PSMB7: variants seen among roughly 807,000 people sequenced by gnomAD.
The protein encoded by PSMB7 is proteasome 20S subunit beta 7, also known as proteasome subunit beta type-7.
In PSMB7, 5 loss-of-function variants were observed where a neutral mutation model predicts 28.1. That is an observed-to-expected ratio of 0.18 (90% CI 0.09 to 0.37). PSMB7 has a LOEUF of 0.37. Ranked by LOEUF, PSMB7 falls within the 10% of genes least tolerant of loss-of-function variation. PSMB7 has a pLI of 1.00. For missense variants in PSMB7, 275 were observed against 346.2 expected, an observed-to-expected ratio of 0.79 and a Z score of 1.63; for synonymous variants, 122 against 123.7, an observed-to-expected ratio of 0.99 and a Z score of 0.09.
At chr9:124,365,511 G>A (rs1345871704) in intron 6 of PSMB7, among the ~76,000 whole-genome samples, 4 of 152,204 alleles carry the variant, frequency 2.6e-5, no homozygotes, top group Non-Finnish European at 5.9e-5. Flanking sequence ...CACCCTTTAT[G>A]CTAAGCAGCA....
intron 4 of PSMB7, among the ~76,000 whole-genome samples, chr9:124,411,136 C>T (rs1487324704): frequency 6.6e-6 from 1 of 151,992 alleles, no homozygotes; most frequent in East Asian, 1.9e-4. Context: ...CCACCATGCC[C>T]GGCTATTTTT....
chr9:124,407,456 G>T (rs1268595349), intron 4 of PSMB7, among the ~76,000 whole-genome samples: 1 of 152,134 alleles, frequency 6.6e-6, no homozygotes, highest in African/African-American at 2.4e-5. Context: ...TAGGGCCAAG[G>T]GCTCCAGGAA....
intron 6 of PSMB7, among the ~76,000 whole-genome samples, chr9:124,378,718 A>C (rs1830636963): frequency 6.6e-6 from 1 of 152,268 alleles, no homozygotes; most frequent in East Asian, 1.9e-4. Flanking sequence ...ATAGAATAGA[A>C]GGAAAACTAA....
intron 5 of PSMB7, among the ~76,000 whole-genome samples, chr9:124,392,811 G>T (rs1011662329): frequency 6.6e-6 from 1 of 152,144 alleles, no homozygotes; most frequent in African/African-American, 2.4e-5. Context: ...GATCGTCTCA[G>T]GAAAAAAAGC....
intron 4 of PSMB7, 150 bp from the exon 5 acceptor site, chr9:124,405,582 G>A (rs2050198438): frequency 1.7e-6 from 1 of 593,202 alleles, no homozygotes; most frequent in African/African-American, 1.9e-5. Flanking sequence ...GAACAAAAAA[G>A]GGAAGGGAAC....
Position 124,412,420 on chromosome 9 carries a change from G to A in PSMB7, c.327C>T (p.His109=), listed in dbSNP as rs1217794976. 3.1e-6 allele frequency: 5 copies of A among 1,614,136 alleles called. No individual in the cohort carries two copies. Among genetic ancestry groups the A allele is most frequent in the Admixed American group, 1.7e-5 (1 of 60,022 alleles). The part of the protein sequence containing the change: ...TQLISSNLEL[H]SLSTGRLPRV... ...TGGGAAGACGGCCAGTGGAGAGGGAGTGGAGCTCCAGGTTGGAAGAAATGA... is the reference window on the plus strand; with the variant it reads ...TGGGAAGACGGCCAGTGGAGAGGGAATGGAGCTCCAGGTTGGAAGAAATGA... Residue 109 remains histidine (H), a synonymous_variant, in exon 4 of 8, where the codon CAC becomes CAT. Transcript: ENST00000259457.
At chr9:124,389,380 C>T (rs965354702) in intron 5 of PSMB7, among the ~76,000 whole-genome samples, 4 of 152,184 alleles carry the variant, frequency 2.6e-5, no homozygotes, top group South Asian at 2.1e-4. Context: ...AGCACACCCA[C>T]GGTTACTGAG....
intron 5 of PSMB7, among the ~76,000 whole-genome samples, chr9:124,400,085 C>G (rs993321144): frequency 4.6e-5 from 7 of 152,160 alleles, no homozygotes; most frequent in African/African-American, 1.4e-4. Flanking sequence ...TGCTGCACCC[C>G]CTGCATGGGT....
chr9:124,410,007 A>C (rs954002055), intron 4 of PSMB7, among the ~76,000 whole-genome samples: 15 of 109,834 alleles, frequency 1.4e-4, no homozygotes, highest in Non-Finnish European at 2.4e-4. Context: ...AAGAGAATTT[A>C]GAATTTTTTT....
At chr9:124,378,334 G>A (rs1441677379) in intron 6 of PSMB7, among the ~76,000 whole-genome samples, 1 of 152,202 alleles carries the variant, frequency 6.6e-6, no homozygotes, top group Non-Finnish European at 1.5e-5. Context: ...CACACGATGT[G>A]TTTGGTGACC....
chr9:124,354,906 T>C (rs1830384143), intron 7 of PSMB7, among the ~76,000 whole-genome samples: 1 of 152,178 alleles, frequency 6.6e-6, no homozygotes, highest in South Asian at 2.1e-4. Flanking sequence ...GTGCCCGATT[T>C]TTGCGGCATG....
At chr9:124,386,978 G>A (rs1830727983) in intron 5 of PSMB7, among the ~76,000 whole-genome samples, 1 of 152,144 alleles carries the variant, frequency 6.6e-6, no homozygotes, top group Non-Finnish European at 1.5e-5. Context: ...CGGGCGCGGT[G>A]GCTCACGCCT....
At chr9:124,377,917 G>A (rs970029683) in intron 6 of PSMB7, among the ~76,000 whole-genome samples, 1 of 152,104 alleles carries the variant, frequency 6.6e-6, no homozygotes, top group Non-Finnish European at 1.5e-5. Context: ...TAAGACTAGG[G>A]GAAAAAAAAG....
intron 5 of PSMB7, chr9:124,398,453 G>A (rs776276324): frequency 2.8e-6 from 1 of 354,414 alleles, no homozygotes; most frequent in Admixed American, 4.2e-5. Flanking sequence ...TCTCTGTAAA[G>A]AGCTCCTCTT....
chr9:124,398,368 C>T (rs531681631), intron 5 of PSMB7: 8 of 214,764 alleles, frequency 3.7e-5, no homozygotes, highest in South Asian at 1.3e-4. Context: ...GCTACGACCA[C>T]GGAACAATGG....
chr9:124,397,043 C>T lies in PSMB7; in HGVS notation c.511+8274G>A, dbSNP rs16927428. ...TTAAAAAAGAAGTAAATGAAACCGA[C>T]GGGATCCTTTTTCTTTTTGGAGAAT... On this transcript the variant is annotated intron_variant, in intron 5 of 7. Coordinates refer to ENST00000259457, the MANE Select transcript of PSMB7 (RefSeq NM_002799.4). 5.2e-3 allele frequency among the ~76,000 whole-genome samples: 799 copies of T among 152,320 alleles called. 8 individuals are homozygous for T. The highest frequency in any genetic ancestry group is 0.018 in the African/African-American group (751 of 41,560).
At chr9:124,374,363 C>A (rs1360296116) in intron 6 of PSMB7, among the ~76,000 whole-genome samples, 1 of 152,124 alleles carries the variant, frequency 6.6e-6, no homozygotes, top group Non-Finnish European at 1.5e-5. Flanking sequence ...CTGAACTACA[C>A]AGTTAGAACA....
intron 5 of PSMB7, among the ~76,000 whole-genome samples, chr9:124,403,826 T>C (rs1009721940): frequency 6.6e-6 from 1 of 151,864 alleles, no homozygotes; most frequent in Non-Finnish European, 1.5e-5. Context: ...AGTTTCAATG[T>C]AAGGCTTCTA....
chr9:124,386,087 T>C (rs1477996379), intron 5 of PSMB7, among the ~76,000 whole-genome samples: 1 of 151,854 alleles, frequency 6.6e-6, no homozygotes, highest in Non-Finnish European at 1.5e-5. Context: ...TGACTATTCA[T>C]TTAGGCTTTG....
Sources: allele counts gnomAD v4.1 joint callset (sites outside exome capture counted in the v4.1 genomes callset), GRCh38; gene constraint gnomAD v4.1.1; transcripts MANE v1.5; gene names NCBI Gene and HGNC (gene_info 2026-07-23, HGNC 2026-07-21).